Variants in NR6A1 observed in about 807,000 individuals in gnomAD.
NR6A1 encodes retinoic acid receptor-related testis-associated receptor.
A neutral mutation model predicts 59.1 loss-of-function variants in NR6A1; 7 were observed. The observed-to-expected ratio is 0.12, with a 90% CI of 0.07 to 0.22. NR6A1 has a LOEUF of 0.22. Ranked by LOEUF, NR6A1 falls within the 10% of genes least tolerant of loss-of-function variation. NR6A1 has a pLI of 1.00. For synonymous variants in NR6A1, 243 were observed against 236.1 expected (o/e 1.03, Z -0.27); for missense variants, 468 against 611.6 (o/e 0.77, Z 2.48).
At chr9:124,681,731 T>A (rs895365077) in intron 2 of NR6A1, among the ~76,000 whole-genome samples, 5 of 152,166 alleles carry the variant, frequency 3.3e-5, no homozygotes, top group South Asian at 2.1e-4. Flanking sequence ...TAAAGATGTA[T>A]CTGATGAGTT....
In NR6A1 at chr9:124,564,871, C is replaced by G. The variant is rs181061769; in HGVS notation, c.143-10301G>C. ...CTGGCTCAAAGATAGATAAATAGAC[C>G]AAAGGCATGGAATGGAGAACCCTAC... On this transcript the variant is annotated intron_variant, in intron 2 of 9. Transcript: ENST00000487099. 1.3e-3 allele frequency among the ~76,000 whole-genome samples: 203 copies of G among 152,074 alleles called. 1 individual carries two copies. Among genetic ancestry groups the G allele is most frequent in the African/African-American group, 4.6e-3 (192 of 41,478 alleles).
intron 2 of NR6A1, among the ~76,000 whole-genome samples, chr9:124,585,620 A>C (rs1438432387): frequency 6.6e-6 from 1 of 151,628 alleles, no homozygotes; most frequent in Non-Finnish European, 1.5e-5. Flanking sequence ...AGTTATCCAG[A>C]AGATCAACGA....
chr9:124,602,683 T>C (rs1835477972), intron 2 of NR6A1, among the ~76,000 whole-genome samples: 1 of 152,184 alleles, frequency 6.6e-6, no homozygotes, highest in Non-Finnish European at 1.5e-5. Context: ...AGGAAAAGAC[T>C]TCTATCTAAA....
At chr9:124,760,828 G>C (rs1840768434) in intron 1 of NR6A1, among the ~76,000 whole-genome samples, 1 of 152,238 alleles carries the variant, frequency 6.6e-6, no homozygotes, top group African/African-American at 2.4e-5. Context: ...TGTGATCTTT[G>C]TTAGGCCACA....
chr9:124,640,879 G>C (rs1390049308), intron 2 of NR6A1, among the ~76,000 whole-genome samples: 1 of 152,092 alleles, frequency 6.6e-6, no homozygotes, highest in African/African-American at 2.4e-5. Flanking sequence ...CTATAAATGG[G>C]CTTGATTACC....
intron 1 of NR6A1, among the ~76,000 whole-genome samples, chr9:124,741,673 GA>G (rs1361528693): frequency 1.3e-5 from 2 of 152,110 alleles, no homozygotes; most frequent in Admixed American, 1.3e-4. Flanking sequence ...CAATATTTTC[GA>G]AAAAATTAAC....
intron 2 of NR6A1, among the ~76,000 whole-genome samples, chr9:124,628,709 T>G (rs1385130139): frequency 2.0e-5 from 3 of 151,714 alleles, no homozygotes; most frequent in Non-Finnish European, 2.9e-5. Flanking sequence ...GGCGTGATCT[T>G]GGCTCACTGC....
At chr9:124,645,093 G>C (rs943721775) in intron 2 of NR6A1, among the ~76,000 whole-genome samples, 2 of 152,078 alleles carry the variant, frequency 1.3e-5, no homozygotes, top group African/African-American at 4.8e-5. Context: ...AATATATACT[G>C]CAATCTCTAG....
At position 124,722,665 on chromosome 9, in the gene NR6A1, T is replaced by C. The variant is rs535924151; in HGVS notation, c.142+10643A>G. Among the ~76,000 whole-genome samples, 7 of 152,274 alleles carry C rather than the reference T, an allele frequency of 4.6e-5. No individual in the cohort carries two copies. The South Asian group carries it at 8.3e-4, about 18-fold the overall frequency. On this transcript the variant is annotated intron_variant, in intron 2 of 9. Coordinates refer to ENST00000487099, the MANE Select transcript of NR6A1 (RefSeq NM_033334.4). ...CTTGCCTGTTCATCCCACCAACACA[T>C]GTAGAACTCTCCTTGGTGGGCATCT...
At chr9:124,719,900 G>A (rs1377946727) in intron 2 of NR6A1, among the ~76,000 whole-genome samples, 2 of 152,050 alleles carry the variant, frequency 1.3e-5, no homozygotes, top group African/African-American at 4.8e-5. Context: ...CAGCCTGGGT[G>A]ACAAAAGACC....
chr9:124,726,387 A>C (rs929382377), intron 2 of NR6A1, among the ~76,000 whole-genome samples: 1 of 152,194 alleles, frequency 6.6e-6, no homozygotes, highest in Non-Finnish European at 1.5e-5. Flanking sequence ...TGGTAAGTTC[A>C]TCGGTTAGCT....
rs118102457 is a variant in NR6A1 at position 124,558,741 on chromosome 9, T to C, written c.143-4171A>G. 3.5e-3 allele frequency among the ~76,000 whole-genome samples: 533 copies of C among 152,252 alleles called. 18 individuals carry two copies. The East Asian group carries it at 0.086, about 25-fold the overall frequency. On this transcript the variant is annotated intron_variant, in intron 2 of 9. Transcript: ENST00000487099. ...AGCTGGAAGCCTCAAAAGTCTATGTTCCTAACCATTACATTCTTTGGCCAC... is the reference window on the plus strand; with the variant it reads ...AGCTGGAAGCCTCAAAAGTCTATGTCCCTAACCATTACATTCTTTGGCCAC...
At chr9:124,724,439 A>C (rs1179926586) in intron 2 of NR6A1, among the ~76,000 whole-genome samples, 2 of 152,102 alleles carry the variant, frequency 1.3e-5, no homozygotes, top group African/African-American at 4.8e-5. Flanking sequence ...GAAAAAAAAA[A>C]ACCACACAGC....
chr9:124,580,280 A>G (rs1303526138), intron 2 of NR6A1, among the ~76,000 whole-genome samples: 1 of 152,218 alleles, frequency 6.6e-6, no homozygotes, highest in African/African-American at 2.4e-5. Flanking sequence ...GCCAGTTTCA[A>G]AAGATTACAT....
At chr9:124,733,789 A>G (rs1564259241) in intron 1 of NR6A1, among the ~76,000 whole-genome samples, 1 of 152,220 alleles carries the variant, frequency 6.6e-6, no homozygotes, top group Non-Finnish European at 1.5e-5. Flanking sequence ...ATTAACAACA[A>G]TATCAGACAG....
intron 2 of NR6A1, among the ~76,000 whole-genome samples, chr9:124,722,587 G>A (rs1034204341): frequency 2.0e-5 from 3 of 152,160 alleles, no homozygotes; most frequent in East Asian, 3.8e-4. Context: ...GAGCAAGTTC[G>A]TGGTGCCAGG....
intron 2 of NR6A1, among the ~76,000 whole-genome samples, chr9:124,644,733 G>A (rs1276492471): frequency 6.6e-6 from 1 of 152,150 alleles, no homozygotes; most frequent in Non-Finnish European, 1.5e-5. Context: ...TACAGCCTTT[G>A]TCAAGCTACC....
chr9:124,719,910 C>T (rs1256631059), intron 2 of NR6A1, among the ~76,000 whole-genome samples: 2 of 151,930 alleles, frequency 1.3e-5, no homozygotes, highest in Non-Finnish European at 2.9e-5. Flanking sequence ...GACAAAAGAC[C>T]GTGTCCCCAA....
At chr9:124,710,794 G>A (rs548658753) in intron 2 of NR6A1, among the ~76,000 whole-genome samples, 4 of 152,268 alleles carry the variant, frequency 2.6e-5, no homozygotes, top group East Asian at 1.9e-4. Flanking sequence ...AATTGCACAC[G>A]TAAGATCAGC....
Sources: gnomAD v4.1 joint callset for allele counts (sites outside exome capture counted in the v4.1 genomes callset) on GRCh38, gnomAD v4.1.1 for gene constraint, MANE v1.5 for transcripts, NCBI Gene and HGNC (gene_info 2026-07-23, HGNC 2026-07-21) for gene names.